Variants in CCDC57 observed in about 807,000 individuals in gnomAD.
CCDC57 encodes the protein coiled-coil domain containing 57.
In CCDC57, 118 loss-of-function variants were observed where a neutral mutation model predicts 118.9. The observed-to-expected ratio is 0.99, with a 90% CI of 0.86 to 1.16. The LOEUF is 1.16. CCDC57 is among the 50% of genes most tolerant of loss of function. The pLI is 0.00. For missense variants in CCDC57, 1,300 were observed against 1,320.7 expected (o/e 0.98, Z 0.24); for synonymous variants, 527 against 532.9 (o/e 0.99, Z 0.15).
At chr17:82,195,416 C>T in intron 4 of CCDC57, 52 bp from the exon 4 acceptor site, 1 of 1,428,574 alleles carries the variant, frequency 7.0e-7, no homozygotes. Flanking sequence ...CAGCAAAGAC[C>T]CCCACCCACG....
intron 16 of CCDC57, among the ~76,000 whole-genome samples, chr17:82,146,120 G>A (rs534603436): frequency 2.4e-4 from 36 of 152,358 alleles, no homozygotes; most frequent in Non-Finnish European, 4.3e-4. Flanking sequence ...CTGGGGCAGA[G>A]TAGCTGTTGT....
intron 14 of CCDC57, among the ~76,000 whole-genome samples, chr17:82,162,028 T>A (rs2043403737): frequency 6.6e-6 from 1 of 152,140 alleles, no homozygotes; most frequent in Admixed American, 6.6e-5. Flanking sequence ...AGATGGAGTT[T>A]CGCTCCTGTT....
chr17:82,137,679 T>TG (rs2039406169), intron 16 of CCDC57, among the ~76,000 whole-genome samples: 1 of 143,402 alleles, frequency 7.0e-6, no homozygotes, highest in East Asian at 2.0e-4. Context: ...GAGACTTTTC[T>TG]TTTTTTTTTT....
chr17:82,177,155 G>A (rs778514893), intron 11 of CCDC57, among the ~76,000 whole-genome samples: 4 of 152,092 alleles, frequency 2.6e-5, no homozygotes, highest in Non-Finnish European at 4.4e-5. Flanking sequence ...TTAGGCAGGC[G>A]AATCACCTGG....
intron 8 of CCDC57, among the ~76,000 whole-genome samples, chr17:82,185,527 G>C (rs906954165): frequency 1.4e-5 from 2 of 146,250 alleles, no homozygotes; most frequent in Non-Finnish European, 3.0e-5. Flanking sequence ...GCTGAGGGGG[G>C]TGGATCACCT....
intron 19 of CCDC57, among the ~76,000 whole-genome samples, chr17:82,102,986 CGTGGCTGAAT>C: frequency 6.6e-6 from 1 of 152,330 alleles, no homozygotes; most frequent in Non-Finnish European, 1.5e-5. Flanking sequence ...GACTCCAGCA[CGTGGCTGAAT>C]GTGGCCCAGT....
chr17:82,117,439 G>A (rs1199811248), intron 19 of CCDC57, among the ~76,000 whole-genome samples: 9 of 152,184 alleles, frequency 5.9e-5, no homozygotes, highest in Non-Finnish European at 8.8e-5. Context: ...CCAGGAGTTC[G>A]AGACCAGCCT....
chr17:82,134,842 A>G (rs1598795967), intron 16 of CCDC57, among the ~76,000 whole-genome samples: 1 of 152,300 alleles, frequency 6.6e-6, no homozygotes, highest in East Asian at 1.9e-4. Flanking sequence ...CAACTTAAAA[A>G]TGATGGTTCT....
intron 19 of CCDC57, among the ~76,000 whole-genome samples, chr17:82,126,022 T>C (rs2037380277): frequency 6.6e-6 from 1 of 152,178 alleles, no homozygotes; most frequent in Admixed American, 6.6e-5. Context: ...GGCTCACCCC[T>C]GTAATCCCAG....
chr17:82,186,293 G>A (rs921699918), intron 8 of CCDC57, among the ~76,000 whole-genome samples: 9 of 152,196 alleles, frequency 5.9e-5, no homozygotes, highest in African/African-American at 1.9e-4. Context: ...AGTATTTACG[G>A]ACAGAAAACG....
At chr17:82,201,795 C>A (rs768878456) in exon 3 of CCDC57, 5 of 1,613,648 alleles carry the variant, frequency 3.1e-6, no homozygotes, top group Non-Finnish European at 4.2e-6. Context: ...GCAGGCACCG[C>A]AGTTTCCCCT....
rs1415233328 is a variant in CCDC57 at position 82,184,025 on chromosome 17, GCGCGCGCACACACA to G, written c.1053-107_1053-94del. 4.3e-4 allele frequency: 166 copies of G among 388,352 alleles called. 3 individuals carry two copies. Among genetic ancestry groups the G allele is most frequent in the African/African-American group, 1.4e-3 (50 of 35,656 alleles). The allele number at this position is 388,352 out of a possible 1,614,324, so 24.1% of individuals were successfully genotyped here. On this transcript the variant is annotated intron_variant, in intron 8 of 19. Coordinates refer to ENST00000665763, the Ensembl canonical transcript of CCDC57. The stretch of plus-strand genomic sequence containing the variant: ...CCCCAGCAAATACACATGCGCGCGC[GCGCGCGCACACACA>G]CACACACACACACACACACACACAC...
At chr17:82,135,733 C>G (rs919078012) in intron 16 of CCDC57, among the ~76,000 whole-genome samples, 1 of 152,072 alleles carries the variant, frequency 6.6e-6, no homozygotes, top group South Asian at 2.1e-4. Context: ...TATGGGATCC[C>G]GCCTCACACC....
At chr17:82,185,618 C>CAA (rs796316787) in intron 8 of CCDC57, among the ~76,000 whole-genome samples, 2 of 137,144 alleles carry the variant, frequency 1.5e-5, no homozygotes, top group Non-Finnish European at 3.2e-5. Context: ...GACCTTGTCA[C>CAA]AAAAAAAAAA....
Position 82,197,219 on chromosome 17 carries a change from G to A in CCDC57, c.516+1095C>T, listed in dbSNP as rs145008752. 3.4e-3 allele frequency among the ~76,000 whole-genome samples: 502 copies of A among 147,688 alleles called. 3 individuals carry two copies. Among genetic ancestry groups the A allele is most frequent in the African/African-American group, 0.012 (481 of 40,068 alleles). ...AGCCCCTCATGACACCTGCAGAGAC[G>A]CAGCCCCTCGTGACACCTGCACCTG... On this transcript the variant is annotated intron_variant, in intron 4 of 19. Coordinates refer to ENST00000665763, the Ensembl canonical transcript of CCDC57.
At chr17:82,113,228 G>T in intron 19 of CCDC57, 2 of 607,014 alleles carry the variant, frequency 3.3e-6, no homozygotes, top group East Asian at 2.7e-5. Context: ...GAAGGCGGGG[G>T]GCTGGGGTTG....
intron 1 of CCDC57, among the ~76,000 whole-genome samples, chr17:82,211,348 G>A (rs1252175868): frequency 6.6e-6 from 1 of 152,078 alleles, no homozygotes; most frequent in Non-Finnish European, 1.5e-5. Context: ...CCTGGACCAC[G>A]GTAAAGTCAT....
intron 3 of CCDC57, among the ~76,000 whole-genome samples, chr17:82,199,586 T>C (rs1389696047): frequency 6.6e-6 from 1 of 150,424 alleles, no homozygotes; most frequent in East Asian, 2.0e-4. Context: ...CTTCACAACA[T>C]AACGTAAAGC....
intron 19 of CCDC57, among the ~76,000 whole-genome samples, chr17:82,119,088 A>AGGTGGGGGTGGG (rs1327262431): frequency 4.8e-5 from 1 of 21,034 alleles, no homozygotes. Flanking sequence ...AGCGGGCGGG[A>AGGTGGGGGTGGG]GGTGGGGGCG....
Sources: allele counts gnomAD v4.1 joint callset (sites outside exome capture counted in the v4.1 genomes callset), GRCh38; gene constraint gnomAD v4.1.1; transcripts MANE v1.5; gene names NCBI Gene and HGNC (gene_info 2026-07-23, HGNC 2026-07-21).